ZNF197: variants seen among roughly 807,000 people sequenced by gnomAD.
ZNF197 encodes VHL-associated KRAB-A domain-containing protein.
A neutral mutation model predicts 27.4 loss-of-function variants in ZNF197; 14 were observed. The observed-to-expected ratio is 0.51, with a 90% CI of 0.34 to 0.80. The LOEUF (loss-of-function observed/expected upper bound fraction) is 0.80, where lower values mean the gene tolerates loss of function less well. Ranked by LOEUF, ZNF197 falls within the 30% of genes least tolerant of loss-of-function variation. The pLI is 0.02. For missense variants in ZNF197, 1,090 were observed against 1,222.6 expected (o/e 0.89, Z 1.62); for synonymous variants, 415 against 420.0 (o/e 0.99, Z 0.15).
At chr3:44,632,323 G>T in intron 4 of ZNF197, 127 bp downstream of exon 4, 1 of 1,494,528 alleles carries the variant, frequency 6.7e-7, no homozygotes, top group South Asian at 1.2e-5. Context: ...GCTATTGGAA[G>T]ACAGACTTTA....
Position 44,645,828 on chromosome 3 carries a change from C to T in ZNF197, c.*1608C>T, listed in dbSNP as rs1575504610. The stretch of plus-strand genomic sequence containing the variant: ...AGCCAGTGCAGAATCCACTTGTGGG[C>T]AGTCAGTGCCCATTACCCCCTGTGA... On this transcript the variant is annotated 3_prime_UTR_variant, in exon 6 of 6. Coordinates refer to ENST00000344387, the MANE Select transcript of ZNF197 (RefSeq NM_006991.5). 1.0e-6 allele frequency: 1 copy of T among 985,320 alleles called. No homozygotes were observed. Among genetic ancestry groups the T allele is most frequent in the East Asian group, 1.1e-4 (1 of 8,826 alleles). The allele number at this position is 985,320 out of a possible 1,614,324, so 61.0% of individuals were successfully genotyped here.
chr3:44,646,792 G>A lies in ZNF197; in HGVS notation c.*2572G>A, dbSNP rs183741044. 3.6e-4 allele frequency: 141 copies of A among 390,700 alleles called. No individual in the cohort carries two copies. The East Asian group carries it at 6.1e-3, about 17-fold the overall frequency. The allele number at this position is 390,700 out of a possible 1,614,324, so 24.2% of individuals were successfully genotyped here. ...CGTTAGGTACTAAGAACCAGAAATA[G>A]ACTCACATAAATGGCCAATTGATTT... On this transcript the variant is annotated 3_prime_UTR_variant, in exon 6 of 6. Transcript: ENST00000344387.
intron 1 of ZNF197, among the ~76,000 whole-genome samples, chr3:44,626,059 G>A (rs1701644493): frequency 2.0e-5 from 3 of 152,034 alleles, no homozygotes; most frequent in African/African-American, 7.2e-5. Context: ...CTTCTGCTTT[G>A]AAAACCTTTT....
chr3:44,631,706 T>G (rs1380080529), intron 3 of ZNF197, among the ~76,000 whole-genome samples: 1 of 144,558 alleles, frequency 6.9e-6, no homozygotes, highest in Non-Finnish European at 1.5e-5. Flanking sequence ...CGGCCATTTT[T>G]GTTTTTTTTT....
Position 44,629,373 on chromosome 3 carries a change from A to G in ZNF197, c.219A>G (p.Pro73=). 1 of 1,614,132 alleles carries G rather than the reference A, an allele frequency of 6.2e-7. No homozygotes were observed. Among genetic ancestry groups the G allele is most frequent in the East Asian group, 2.2e-5 (1 of 44,866 alleles). The change falls in exon 2 of 6, where the codon CCA becomes CCG. Residue 73 remains proline (P), a synonymous_variant. Coordinates refer to ENST00000344387, the MANE Select transcript of ZNF197 (RefSeq NM_006991.5). ...AACTCTGTCGCCGGTGGCTGAGACC[A>G]GAAGCACGCACCAAGGCACAGATCC... The part of the protein sequence containing the change: ...LRELCRRWLR[P]EARTKAQILE...
At chr3:44,629,565 C>T (rs753252448) in intron 2 of ZNF197, 21 bp downstream of exon 2, 10 of 1,528,958 alleles carry the variant, frequency 6.5e-6, no homozygotes, top group Admixed American at 4.2e-5. Context: ...CAGGGAGGGG[C>T]GGTGGGTGTT....
chr3:44,634,228 T>C (rs935438547), intron 5 of ZNF197, among the ~76,000 whole-genome samples: 1 of 152,190 alleles, frequency 6.6e-6, no homozygotes, highest in African/African-American at 2.4e-5. Flanking sequence ...TCTCTTCATA[T>C]GTTTATTGGT....
chr3:44,637,139 T>A lies in ZNF197; in HGVS notation c.769+4540T>A, dbSNP rs891679268. The stretch of plus-strand genomic sequence containing the variant: ...ACAGATATATGACTTACAAATATTT[T>A]CTCCCATTCTGTGGGGTCTTGCCCT... On this transcript the variant is annotated intron_variant, in intron 5 of 5. Transcript: ENST00000344387. Among the ~76,000 whole-genome samples, 5 of 152,194 alleles carry A rather than the reference T, an allele frequency of 3.3e-5. No homozygotes were observed. In the East Asian group the frequency reaches 9.6e-4, roughly 29 times the overall value.
intron 1 of ZNF197, among the ~76,000 whole-genome samples, chr3:44,627,146 TAAG>T (rs958943613): frequency 2.6e-5 from 4 of 152,282 alleles, no homozygotes; most frequent in East Asian, 1.9e-4. Context: ...GAAAGATAGA[TAAG>T]AAGCTAACGG....
chr3:44,635,701 C>A (rs2125808958), intron 5 of ZNF197, among the ~76,000 whole-genome samples: 1 of 152,278 alleles, frequency 6.6e-6, no homozygotes, highest in South Asian at 2.1e-4. Context: ...TCAGGCTTAG[C>A]CCCTGCCTTA....
chr3:44,642,191 G>A lies in ZNF197; in HGVS notation c.1061G>A (p.Gly354Asp). The A allele has an allele frequency of 3.7e-6, 6 of 1,614,116 alleles. No individual in the cohort carries two copies. The highest frequency in any genetic ancestry group is 5.1e-6 in the Non-Finnish European group (6 of 1,179,998). The change falls in exon 6 of 6, where the codon GGT (glycine) becomes GAT (aspartate). Residue 354 changes from glycine to aspartate, a missense_variant. By Grantham distance (94) the Gly-to-Asp change is moderately conservative. Transcript: ENST00000344387. ...WKELGDSLTF[G>D]SAISESLIGT... is the part of the protein sequence containing the mutation. ...GAATTAGGAGACAGCTTGACTTTCG[G>A]TTCAGCTATTTCTGAAAGTTTAATA...
chr3:44,644,814 G>C lies in ZNF197; in HGVS notation c.*594G>C, dbSNP rs1702860160. On this transcript the variant is annotated 3_prime_UTR_variant, in exon 6 of 6. Coordinates refer to ENST00000344387, the MANE Select transcript of ZNF197 (RefSeq NM_006991.5). ...GTGGGAAGATCCCTTGAGCCCAGGA[G>C]TTCGAGACAAGCCTGGGTAACACGG... 2.0e-6 allele frequency: 2 copies of C among 980,886 alleles called. No homozygotes were observed. Among genetic ancestry groups the C allele is most frequent in the Non-Finnish European group, 2.4e-6 (2 of 825,888 alleles). 60.8% of individuals were successfully genotyped at this position (980,886 alleles called of 1,614,324 possible). A position where few individuals can be genotyped will look rare whatever the true frequency, so the allele number is the denominator to read the frequency against.
In ZNF197 at chr3:44,645,043, A is replaced by T. The variant is rs1702878952; in HGVS notation, c.*823A>T. 4.1e-6 allele frequency: 4 copies of T among 985,304 alleles called. No homozygotes were observed. The South Asian group carries it at 1.4e-4, about 35-fold the overall frequency. 61.0% of individuals were successfully genotyped at this position (985,304 alleles called of 1,614,324 possible). On this transcript the variant is annotated 3_prime_UTR_variant, in exon 6 of 6. Transcript: ENST00000344387. ...AAGAGTCTGCTGATGAGGACAACCT[A>T]AAAGAGCACTGGATTTGGAATCAGA...
At chr3:44,631,652 T>G (rs983053612) in intron 3 of ZNF197, among the ~76,000 whole-genome samples, 1 of 151,664 alleles carries the variant, frequency 6.6e-6, no homozygotes, top group Non-Finnish European at 1.5e-5. Flanking sequence ...CTGCCCGCCT[T>G]GGCCTCCCAA....
chr3:44,639,821 G>A (rs534227763), intron 5 of ZNF197, among the ~76,000 whole-genome samples: 7 of 152,092 alleles, frequency 4.6e-5, no homozygotes, highest in African/African-American at 1.7e-4. Context: ...GCTGCATGTA[G>A]TTCAGTGTGG....
At chr3:44,625,337 A>G (rs1480320852) in intron 1 of ZNF197, among the ~76,000 whole-genome samples, 194 bp downstream of exon 1, 1 of 152,192 alleles carries the variant, frequency 6.6e-6, no homozygotes, top group Non-Finnish European at 1.5e-5. Flanking sequence ...CGAGGGAAGT[A>G]CTGAGGACAG....
Position 44,629,512 on chromosome 3 carries a change from C to T in ZNF197, c.358C>T (p.Leu120=). ...GEEAVALVEE[L]QKDLDGPAIQ... ...GGAGGCTGTGGCCCTGGTAGAGGAG[C>T]TGCAGAAAGACCTTGATGGACCAGC... Residue 120 remains leucine (L), a synonymous_variant, in exon 2 of 6, where the codon CTG becomes TTG. Coordinates refer to ENST00000344387, the MANE Select transcript of ZNF197 (RefSeq NM_006991.5). The T allele has an allele frequency of 6.3e-7, 1 of 1,581,978 alleles. No homozygotes were observed. The highest frequency in any genetic ancestry group is 8.6e-7 in the Non-Finnish European group (1 of 1,166,016).
At position 44,647,960 on chromosome 3, in the gene ZNF197, T is replaced by C. The variant is rs1703055881; in HGVS notation, c.*3740T>C. 1 of 152,184 alleles carries C rather than the reference T, an allele frequency of 6.6e-6. No homozygotes were observed. The highest frequency in any genetic ancestry group is 2.4e-5 in the African/African-American group (1 of 41,444). 9.4% of individuals were successfully genotyped at this position (152,184 alleles called of 1,614,324 possible). A position where few individuals can be genotyped will look rare whatever the true frequency, so the allele number is the denominator to read the frequency against. On this transcript the variant is annotated 3_prime_UTR_variant, in exon 6 of 6. Transcript: ENST00000344387. ...ATACTGTACCAATGTTGATTTCCTT[T>C]TTCATTTTATGTAAGATGTAACCAT...
Position 44,631,144 on chromosome 3 carries a change from G to A in ZNF197, c.473G>A (p.Gly158Asp). 1 of 1,614,110 alleles carries A rather than the reference G, an allele frequency of 6.2e-7. No homozygotes were observed. Among genetic ancestry groups the A allele is most frequent in the South Asian group, 1.1e-5 (1 of 91,086 alleles). The stretch of plus-strand genomic sequence containing the variant: ...ACAACACTTCCTCCTGTACTTCCTG[G>A]CAGCCACATAGCAGCTGAAATTTGC... The part of the protein sequence containing the change: ...PGTTLPPVLP[G>D]SHIAAEICPH... The change falls in exon 3 of 6, where the codon GGC becomes GAC. Residue 158 changes from glycine (G) to aspartate (D), a missense_variant. By Grantham distance (94) the Gly-to-Asp change is moderately conservative (BLOSUM62 -1). Coordinates refer to ENST00000344387, the MANE Select transcript of ZNF197 (RefSeq NM_006991.5).
Sources: allele counts gnomAD v4.1 joint callset (sites outside exome capture counted in the v4.1 genomes callset), GRCh38; gene constraint gnomAD v4.1.1; transcripts MANE v1.5; gene names NCBI Gene and HGNC (gene_info 2026-07-23, HGNC 2026-07-21).